Variants in BLOC1S3 observed in about 807,000 individuals in gnomAD.
The protein encoded by BLOC1S3 is biogenesis of lysosomal organelles complex 1 subunit 3.
Under a neutral mutation model 9.1 loss-of-function variants are expected in BLOC1S3, and 7 were observed. The ratio of observed to expected loss-of-function variants is 0.77; its 90% confidence interval spans 0.44 to 1.45. The LOEUF (loss-of-function observed/expected upper bound fraction) is 1.45. BLOC1S3 is among the 40% of genes most tolerant of loss of function. The pLI is 0.01. For synonymous variants in BLOC1S3, 145 were observed against 158.4 expected (o/e 0.92, Z 0.64); for missense variants, 307 against 315.2 (o/e 0.97, Z 0.20).
At position 45,180,132 on chromosome 19, in the gene BLOC1S3, G is replaced by A; in HGVS notation, c.*227G>A. On this transcript the variant is annotated 3_prime_UTR_variant, in exon 2 of 2. Coordinates refer to ENST00000433642, the MANE Select transcript of BLOC1S3 (RefSeq NM_212550.5). ...TATCCTTAGATCTGGTTCCTCTCCCGATCCTGACCCTGCCGCCTGGTTCTG... is the reference window on the plus strand; with the variant it reads ...TATCCTTAGATCTGGTTCCTCTCCCAATCCTGACCCTGCCGCCTGGTTCTG... 2.1e-6 allele frequency: 1 copy of A among 471,458 alleles called. No individual in the cohort carries two copies. The highest frequency in any genetic ancestry group is 4.2e-5 in the South Asian group (1 of 24,086). The allele number at this position is 471,458 out of a possible 1,614,324, so 29.2% of individuals were successfully genotyped here.
intron 2 of BLOC1S3, chr19:45,199,107 T>A (rs745924818): frequency 6.6e-6 from 1 of 152,128 alleles, no homozygotes; most frequent in Non-Finnish European, 1.5e-5. Flanking sequence ...TTGAAGGTAG[T>A]CTTTGGGTTA....
At chr19:45,204,807 C>T (rs1969715375) in intron 3 of BLOC1S3, among the ~76,000 whole-genome samples, 1 of 151,770 alleles carries the variant, frequency 6.6e-6, no homozygotes, top group Non-Finnish European at 1.5e-5. Context: ...TCTTGGCTCA[C>T]TGCAACCTCC....
chr19:45,191,533 A>G (rs756796982), intron 2 of BLOC1S3, among the ~76,000 whole-genome samples: 1 of 152,218 alleles, frequency 6.6e-6, no homozygotes, highest in Non-Finnish European at 1.5e-5. Flanking sequence ...TAGTCTTCAC[A>G]GTCTGGGCTT....
chr19:45,194,121 T>C (rs1449641889), intron 2 of BLOC1S3, among the ~76,000 whole-genome samples: 14 of 92,742 alleles, frequency 1.5e-4, no homozygotes, highest in African/African-American at 6.1e-4. Flanking sequence ...TTTTTTTTTT[T>C]TTTTTTAATG....
intron 3 of BLOC1S3, among the ~76,000 whole-genome samples, chr19:45,205,003 G>A (rs1480193370): frequency 1.3e-5 from 2 of 152,042 alleles, no homozygotes; most frequent in African/African-American, 4.8e-5. Context: ...CAAAGTGCTA[G>A]GATTACATGT....
intron 3 of BLOC1S3, among the ~76,000 whole-genome samples, chr19:45,214,414 A>G (rs1447552706): frequency 6.6e-6 from 1 of 152,074 alleles, no homozygotes; most frequent in Non-Finnish European, 1.5e-5. Context: ...GCACTGTCAC[A>G]TGGTGGTGTG....
chr19:45,200,553 T>A (rs930466133), intron 2 of BLOC1S3, among the ~76,000 whole-genome samples: 1 of 152,220 alleles, frequency 6.6e-6, no homozygotes, highest in African/African-American at 2.4e-5. Flanking sequence ...CTGAATCCCT[T>A]CTCTGTGTTA....
intron 3 of BLOC1S3, chr19:45,213,230 G>T: frequency 6.2e-7 from 1 of 1,612,292 alleles, no homozygotes; most frequent in Non-Finnish European, 8.5e-7. Context: ...AAGAAGGCAC[G>T]GTCCCGAGGG....
chr19:45,181,015 T>G lies in BLOC1S3; in HGVS notation c.*1110T>G, dbSNP rs1969513828. ...TGCTGGGATTACAGGCGTGGGCCAC[T>G]GCGCCTAGCCAGCTGGGTCCTTGTT... On this transcript the variant is annotated 3_prime_UTR_variant, in exon 2 of 2. Transcript: ENST00000433642. 1 of 167,248 alleles carries G rather than the reference T, an allele frequency of 6.0e-6. No homozygotes were observed. The highest frequency in any genetic ancestry group is 1.5e-5 in the Non-Finnish European group (1 of 68,200). 10.4% of individuals were successfully genotyped at this position (167,248 alleles called of 1,614,324 possible).
chr19:45,202,284 C>T (rs111282856), intron 2 of BLOC1S3: 5,875 of 154,424 alleles, frequency 0.038, 412 homozygotes, highest in African/African-American at 0.13. Flanking sequence ...TCCCCAGCCA[C>T]GTGGAACTGG....
In BLOC1S3 at chr19:45,179,956, C is replaced by T. The variant is rs765184324; in HGVS notation, c.*51C>T. The T allele has an allele frequency of 3.2e-6, 5 of 1,576,734 alleles. No individual in the cohort carries two copies. The highest frequency in any genetic ancestry group is 1.1e-5 in the South Asian group (1 of 87,708). On this transcript the variant is annotated 3_prime_UTR_variant, in exon 2 of 2. Transcript: ENST00000433642. The surrounding 1 kb of genome is among the most constrained non-coding windows in gnomAD (Gnocchi z 4.6). Reference sequence around the variant, plus strand: ...TGCAATTTGGGGGTAGGCCTTGCTGCCTCTGGGACCTGACTCTGTCTCCTG... The same window carrying T: ...TGCAATTTGGGGGTAGGCCTTGCTGTCTCTGGGACCTGACTCTGTCTCCTG...
chr19:45,211,753 A>G (rs1334579086), intron 3 of BLOC1S3, among the ~76,000 whole-genome samples: 1 of 151,300 alleles, frequency 6.6e-6, no homozygotes, highest in Non-Finnish European at 1.5e-5. Flanking sequence ...TTCCAAACCC[A>G]GCCCCAGTGC....
chr19:45,193,805 T>G (rs1033871901), intron 2 of BLOC1S3, among the ~76,000 whole-genome samples: 2 of 63,328 alleles, frequency 3.2e-5, no homozygotes, highest in African/African-American at 6.5e-5. Flanking sequence ...TTTTTGTTGT[T>G]GTTGTTTTTG....
chr19:45,179,397 C>A lies in BLOC1S3; in HGVS notation c.101C>A (p.Ser34Ter), dbSNP rs567410388. The A allele has an allele frequency of 1.3e-4, 209 of 1,575,194 alleles. No homozygotes were observed. The highest frequency in any genetic ancestry group is 1.9e-4 in the South Asian group (17 of 87,864). Residue 34 changes from serine to a stop codon, truncating the protein, a stop_gained, in exon 2 of 2, where the codon TCG (serine) becomes TAG (stop). Transcript: ENST00000433642. LOFTEE classifies it high-confidence loss of function. This position sits in a 1 kb window ranked among gnomAD's most constrained non-coding sequence, Gnocchi z 4.6. Reference protein sequence around the residue: ...ETDSERSASSSEEEELYLGPS... With the variant: ...ETDSERSASS Reference sequence around the variant, plus strand: ...GATTCCGAGCGCTCTGCGTCCTCGTCGGAGGAGGAGGAGCTGTACCTGGGT... The same window carrying A: ...GATTCCGAGCGCTCTGCGTCCTCGTAGGAGGAGGAGGAGCTGTACCTGGGT...
At chr19:45,215,927 A>G in intron 3 of BLOC1S3, 2 of 1,149,784 alleles carry the variant, frequency 1.7e-6, no homozygotes, top group Non-Finnish European at 2.4e-6. Flanking sequence ...TCTTATTAAT[A>G]ATGCCCTGGT....
At chr19:45,195,518 T>G in intron 2 of BLOC1S3, among the ~76,000 whole-genome samples, 1 of 151,040 alleles carries the variant, frequency 6.6e-6, no homozygotes, top group South Asian at 2.1e-4. Flanking sequence ...CAAATGTATA[T>G]TTAATTTACA....
chr19:45,214,183 C>T (rs930231004), intron 3 of BLOC1S3, among the ~76,000 whole-genome samples: 3 of 152,174 alleles, frequency 2.0e-5, no homozygotes, highest in Non-Finnish European at 4.4e-5. Flanking sequence ...GAATATGTGC[C>T]TTCCCAAGGA....
intron 2 of BLOC1S3, among the ~76,000 whole-genome samples, chr19:45,196,818 G>A (rs1447558330): frequency 4.0e-5 from 6 of 151,344 alleles, no homozygotes; most frequent in South Asian, 2.1e-4. Context: ...GGAGAATGGC[G>A]TGAACCTGGG....
downstream of BLOC1S3, among the ~76,000 whole-genome samples, chr19:45,183,071 CAGA>C (rs1969538331): frequency 6.6e-6 from 1 of 152,082 alleles, no homozygotes; most frequent in Non-Finnish European, 1.5e-5. Context: ...ACCTGTTTAA[CAGA>C]AGAAGATGAT....
Sources: allele counts gnomAD v4.1 joint callset (sites outside exome capture counted in the v4.1 genomes callset), GRCh38; gene constraint gnomAD v4.1.1; non-coding constraint Gnocchi (gnomAD v3.1); transcripts MANE v1.5; gene names NCBI Gene and HGNC (gene_info 2026-07-23, HGNC 2026-07-21).